NLGN4X: variants seen among roughly 807,000 people sequenced by gnomAD.
The protein encoded by NLGN4X is neuroligin-4, X-linked.
A neutral mutation model predicts 40.3 loss-of-function variants in NLGN4X; 3 were observed. The ratio of observed to expected loss-of-function variants is 0.07; its 90% CI spans 0.03 to 0.19. NLGN4X has a LOEUF of 0.19. Among genes scored for constraint, NLGN4X ranks in the 10% least tolerant of loss-of-function variants. The probability of loss-of-function intolerance (pLI) is 1.00; values close to 1 mark genes in which losing one functional copy is unlikely to be tolerated. For synonymous variants in NLGN4X, 270 were observed against 306.8 expected (o/e 0.88, Z 1.25); for missense variants, 382 against 708.3 (o/e 0.54, Z 5.23).
chrX:6,031,174 A>G (rs1247262825), intron 2 of NLGN4X, among the ~76,000 whole-genome samples: 1 of 112,506 alleles, frequency 8.9e-6, no homozygotes, highest in Non-Finnish European at 1.9e-5. Context: ...CTGTGAAAAC[A>G]GATTCTAATT....
At chrX:5,914,606 TA>T (rs1200048724) in intron 3 of NLGN4X, among the ~76,000 whole-genome samples, 1 of 61,645 alleles carries the variant, frequency 1.6e-5, no homozygotes, top group African/African-American at 7.6e-5. Flanking sequence ...TATATATATA[TA>T]ATATATGTAT....
chrX:6,042,933 A>T (rs2037214496), intron 2 of NLGN4X, among the ~76,000 whole-genome samples: 3 of 104,665 alleles, frequency 2.9e-5, no homozygotes, highest in African/African-American at 1.0e-4. Context: ...AAAAATAGCC[A>T]GACATGGTGT....
At chrX:5,901,279 A>ATG (rs1290465639) in intron 5 of NLGN4X, among the ~76,000 whole-genome samples, 1 of 112,358 alleles carries the variant, frequency 8.9e-6, no homozygotes, top group Non-Finnish European at 1.9e-5. Flanking sequence ...ATTACTGTGC[A>ATG]TAACTCATGT....
intron 1 of NLGN4X, among the ~76,000 whole-genome samples, chrX:6,197,459 C>G (rs937461565): frequency 1.1e-5 from 1 of 91,425 alleles, no homozygotes; most frequent in African/African-American, 3.6e-5. Context: ...TTTATAGAGA[C>G]GGAGTCTCAC....
At chrX:5,921,435 G>GAGAGAGAGAGAGGA (rs56401350) in intron 3 of NLGN4X, among the ~76,000 whole-genome samples, 1 of 64,454 alleles carries the variant, frequency 1.6e-5, no homozygotes, top group African/African-American at 5.4e-5. Flanking sequence ...GAGAGAGAGA[G>GAGAGAGAGAGAGGA]GAGAGACAGA....
In NLGN4X at chrX:6,049,734, G is replaced by A. The variant is rs925221165; in HGVS notation, c.473-20302C>T. ...TCTACAAAAGGAAAAATAAAATGGG[G>A]GGGGGGGGCGGTCACAAAATACCTT... On this transcript the variant is annotated intron_variant, in intron 2 of 5. Coordinates refer to ENST00000381095, the MANE Select transcript of NLGN4X (RefSeq NM_181332.3). Among the ~76,000 whole-genome samples the A allele has an allele frequency of 7.5e-3, 78 of 10,428 alleles. 1 individual carries two copies. The highest frequency in any genetic ancestry group is 0.015 in the Non-Finnish European group (67 of 4,620). 9.1% of individuals were successfully genotyped at this position (10,428 alleles called of 115,157 possible).
chrX:5,942,395 G>A (rs958770219), intron 3 of NLGN4X, among the ~76,000 whole-genome samples: 6 of 111,757 alleles, frequency 5.4e-5, no homozygotes, highest in South Asian at 3.7e-4. Context: ...CCCAGACTTC[G>A]AAAGGGCATG....
At chrX:6,026,804 A>G (rs2036706803) in intron 3 of NLGN4X, among the ~76,000 whole-genome samples, 1 of 111,669 alleles carries the variant, frequency 9.0e-6, no homozygotes, top group Non-Finnish European at 1.9e-5. Context: ...CTCCATAACA[A>G]AAAGTAGACT....
intron 5 of NLGN4X, among the ~76,000 whole-genome samples, chrX:5,901,285 CAT>C (rs1227783171): frequency 8.9e-6 from 1 of 112,253 alleles, no homozygotes; most frequent in Non-Finnish European, 1.9e-5. Flanking sequence ...GTGCATAACT[CAT>C]GTGTGGCAGG....
intron 1 of NLGN4X, among the ~76,000 whole-genome samples, chrX:6,225,587 T>C (rs1041303775): frequency 1.9e-5 from 2 of 106,529 alleles, no homozygotes; most frequent in African/African-American, 6.8e-5. Flanking sequence ...CATGCACTTC[T>C]ATGTTGCCCG....
intron 5 of NLGN4X, among the ~76,000 whole-genome samples, chrX:5,899,057 G>A (rs958321532): frequency 8.9e-6 from 1 of 112,009 alleles, no homozygotes; most frequent in Admixed American, 9.4e-5. Flanking sequence ...TTCTTTTATG[G>A]GGCTGCCATG....
chrX:5,949,645 A>C (rs933333117), intron 3 of NLGN4X, among the ~76,000 whole-genome samples: 1 of 112,248 alleles, frequency 8.9e-6, no homozygotes, highest in African/African-American at 3.2e-5. Flanking sequence ...AGTAATAAGA[A>C]TATAGATGAA....
chrX:6,063,325 T>G (rs902936004), intron 2 of NLGN4X, among the ~76,000 whole-genome samples: 8 of 111,427 alleles, frequency 7.2e-5, no homozygotes, highest in Non-Finnish European at 1.3e-4. Context: ...AAGAAAAACA[T>G]ACAGAAAATA....
At chrX:5,965,232 C>G (rs1421802631) in intron 3 of NLGN4X, among the ~76,000 whole-genome samples, 1 of 111,973 alleles carries the variant, frequency 8.9e-6, no homozygotes, top group Non-Finnish European at 1.9e-5. Context: ...CAGGCAAGCA[C>G]ATGCAAGCAT....
chrX:5,966,497 T>C (rs1166404320), intron 3 of NLGN4X, among the ~76,000 whole-genome samples: 1 of 112,779 alleles, frequency 8.9e-6, no homozygotes, highest in African/African-American at 3.2e-5. Flanking sequence ...GTAAATATTA[T>C]GCTAAGCGCA....
At chrX:6,082,007 C>T (rs775357648) in intron 2 of NLGN4X, among the ~76,000 whole-genome samples, 1 of 112,239 alleles carries the variant, frequency 8.9e-6, no homozygotes, top group Non-Finnish European at 1.9e-5. Flanking sequence ...ATGTCTCGTT[C>T]TCTGTTAAAT....
chrX:6,222,958 C>G (rs1166569372), intron 1 of NLGN4X, among the ~76,000 whole-genome samples: 1 of 111,630 alleles, frequency 9.0e-6, no homozygotes, highest in Admixed American at 9.5e-5. Context: ...TCCAGCCATG[C>G]TGAACTGTGA....
intron 3 of NLGN4X, among the ~76,000 whole-genome samples, chrX:5,997,565 C>CGTGTGTGT (rs535392837): frequency 4.0e-4 from 27 of 68,074 alleles, no homozygotes; most frequent in African/African-American, 8.9e-4. Context: ...TATAAAATTA[C>CGTGTGTGT]ATGTGTGTGT....
At chrX:6,221,391 T>TTATATATATATATATATATA (rs60897428) in intron 1 of NLGN4X, among the ~76,000 whole-genome samples, 19 of 53,341 alleles carry the variant, frequency 3.6e-4, no homozygotes, top group Non-Finnish European at 3.9e-4. Context: ...CCTTCTTATA[T>TTATATATATATATATATATA]TATATATATA....
Sources: gnomAD v4.1 joint callset for allele counts (sites outside exome capture counted in the v4.1 genomes callset) on GRCh38, gnomAD v4.1.1 for gene constraint, MANE v1.5 for transcripts, NCBI Gene and HGNC (gene_info 2026-07-23, HGNC 2026-07-21) for gene names.